CCDC178: variants seen among roughly 807,000 people sequenced by gnomAD.
CCDC178 encodes the protein coiled-coil domain containing 178, also known as coiled-coil domain-containing protein 178.
In CCDC178, 126 loss-of-function variants were observed where a neutral mutation model predicts 117.4. That is an observed-to-expected ratio of 1.07 (90% confidence interval 0.93 to 1.24). CCDC178 has a LOEUF of 1.24. CCDC178 is among the 50% of genes most tolerant of loss of function. CCDC178 has a pLI of 0.00. For missense variants in CCDC178, 1,030 were observed against 986.9 expected (o/e 1.04, Z -0.59); for synonymous variants, 283 against 313.4 (o/e 0.90, Z 1.02).
intron 20 of CCDC178, among the ~76,000 whole-genome samples, chr18:33,199,592 C>T (rs1173554896): frequency 1.3e-5 from 2 of 152,174 alleles, no homozygotes; most frequent in Non-Finnish European, 2.9e-5. Context: ...AATGATGCCA[C>T]CTCTGAAGTT....
intron 3 of CCDC178, among the ~76,000 whole-genome samples, chr18:33,399,257 C>T (rs376911697): frequency 6.6e-6 from 1 of 151,948 alleles, no homozygotes; most frequent in East Asian, 1.9e-4. Context: ...AATCTTTTCA[C>T]TGATGGAGGG....
intron 22 of CCDC178, among the ~76,000 whole-genome samples, chr18:32,973,694 A>T (rs2054974957): frequency 1.3e-5 from 2 of 152,150 alleles, no homozygotes; most frequent in South Asian, 4.1e-4. Flanking sequence ...AATTAAAAGT[A>T]ATATGAAGTG....
At chr18:33,197,997 T>G (rs1363491045) in intron 20 of CCDC178, among the ~76,000 whole-genome samples, 1 of 152,192 alleles carries the variant, frequency 6.6e-6, no homozygotes, top group Admixed American at 6.5e-5. Flanking sequence ...ATTATTATCA[T>G]GACACCCAAA....
At chr18:33,077,779 C>T (rs1358954997) in intron 21 of CCDC178, among the ~76,000 whole-genome samples, 1 of 152,058 alleles carries the variant, frequency 6.6e-6, no homozygotes, top group African/African-American at 2.4e-5. Flanking sequence ...AAAATTGAAT[C>T]AGTAATAAAT....
At chr18:33,293,135 T>A in intron 12 of CCDC178, 24 bp downstream of exon 12, 1 of 1,465,936 alleles carries the variant, frequency 6.8e-7, no homozygotes, top group Non-Finnish European at 9.3e-7. Flanking sequence ...TCAGTATTTT[T>A]TATTTCTAAT....
intron 14 of CCDC178, among the ~76,000 whole-genome samples, chr18:33,253,315 G>GTA (rs1477744348): frequency 4.0e-5 from 6 of 151,732 alleles, no homozygotes; most frequent in African/African-American, 1.4e-4. Flanking sequence ...ATATATTGCA[G>GTA]TAATTACGTA....
chr18:33,150,739 G>A (rs2058331269), intron 20 of CCDC178, among the ~76,000 whole-genome samples: 1 of 152,122 alleles, frequency 6.6e-6, no homozygotes, highest in Admixed American at 6.5e-5. Flanking sequence ...AAGCTTTAAG[G>A]AACTCCATTC....
intron 12 of CCDC178, among the ~76,000 whole-genome samples, chr18:33,277,858 T>C (rs1434431432): frequency 1.3e-5 from 2 of 152,152 alleles, no homozygotes; most frequent in Non-Finnish European, 2.9e-5. Context: ...ACGGCACTGA[T>C]TATAAACACA....
At chr18:33,149,919 G>T (rs985053458) in intron 20 of CCDC178, among the ~76,000 whole-genome samples, 1 of 151,982 alleles carries the variant, frequency 6.6e-6, no homozygotes, top group African/African-American at 2.4e-5. Context: ...CCAAAACATA[G>T]CCTACATAGC....
intron 15 of CCDC178, among the ~76,000 whole-genome samples, chr18:33,241,269 C>T (rs2059484231): frequency 6.6e-6 from 1 of 151,860 alleles, no homozygotes; most frequent in African/African-American, 2.4e-5. Flanking sequence ...AAACGTCTTT[C>T]CTCTAGGAAC....
intron 5 of CCDC178, among the ~76,000 whole-genome samples, chr18:33,377,699 T>C (rs1043924202): frequency 3.3e-5 from 5 of 152,194 alleles, no homozygotes; most frequent in Non-Finnish European, 7.4e-5. Flanking sequence ...ATTTACTGAA[T>C]AGGGAATGCT....
At chr18:32,943,347 C>T (rs1411523323) in intron 22 of CCDC178, among the ~76,000 whole-genome samples, 3 of 152,146 alleles carry the variant, frequency 2.0e-5, no homozygotes, top group African/African-American at 7.2e-5. Flanking sequence ...CCCTGTTGAA[C>T]AAATGATCAT....
At chr18:33,016,650 G>A (rs2055998138) in intron 21 of CCDC178, among the ~76,000 whole-genome samples, 1 of 151,846 alleles carries the variant, frequency 6.6e-6, no homozygotes, top group African/African-American at 2.4e-5. Flanking sequence ...AGCTTTATTG[G>A]GGTCAAGTTT....
chr18:33,005,211 C>T (rs1338142891), intron 21 of CCDC178, among the ~76,000 whole-genome samples: 1 of 152,040 alleles, frequency 6.6e-6, no homozygotes, highest in Non-Finnish European at 1.5e-5. Context: ...TTGTAAACAA[C>T]CTAAATGCCT....
intron 18 of CCDC178, among the ~76,000 whole-genome samples, chr18:33,218,523 G>A (rs2059194620): frequency 6.6e-6 from 1 of 152,092 alleles, no homozygotes; most frequent in Non-Finnish European, 1.5e-5. Flanking sequence ...TGAAGTACTT[G>A]CCAATGCCTA....
intron 20 of CCDC178, among the ~76,000 whole-genome samples, chr18:33,194,953 A>AGG (rs2058911181): frequency 6.7e-6 from 1 of 149,388 alleles, no homozygotes; most frequent in African/African-American, 2.5e-5. Context: ...AGACAGAGAG[A>AGG]GAGAGAGAGA....
At chr18:33,336,952 G>A (rs999845164) in intron 9 of CCDC178, among the ~76,000 whole-genome samples, 8 of 151,922 alleles carry the variant, frequency 5.3e-5, no homozygotes, top group African/African-American at 1.7e-4. Flanking sequence ...GTAGCATTTT[G>A]ATAGGAATTG....
chr18:33,263,832 C>T (rs1238886855), intron 14 of CCDC178, among the ~76,000 whole-genome samples: 4 of 151,846 alleles, frequency 2.6e-5, no homozygotes, highest in Admixed American at 2.0e-4. Flanking sequence ...CATAAGATTG[C>T]AATGATTAAC....
intron 21 of CCDC178, among the ~76,000 whole-genome samples, chr18:33,077,227 T>A (rs987696063): frequency 6.6e-6 from 1 of 152,174 alleles, no homozygotes; most frequent in Admixed American, 6.5e-5. Flanking sequence ...AGGAGGAGAA[T>A]AAGTCCCAGG....
Sources: allele counts gnomAD v4.1 joint callset (sites outside exome capture counted in the v4.1 genomes callset), GRCh38; gene constraint gnomAD v4.1.1; transcripts MANE v1.5; gene names NCBI Gene and HGNC (gene_info 2026-07-23, HGNC 2026-07-21).